VWA3B: variants seen among roughly 807,000 people sequenced by gnomAD.
VWA3B encodes the protein von Willebrand factor A domain containing 3B.
In VWA3B, 138 loss-of-function variants were observed where a neutral mutation model predicts 158.3. That is an observed-to-expected ratio of 0.87 (90% confidence interval 0.76 to 1.00). The LOEUF is 1.00. Ranked by LOEUF, VWA3B falls within the 50% of genes least tolerant of loss-of-function variation. The pLI is 0.00. For synonymous variants in VWA3B, 596 were observed against 587.3 expected (o/e 1.01, Z -0.21); for missense variants, 1,555 against 1,565.1 (o/e 0.99, Z 0.11).
At chr2:98,245,867 A>AT (rs1043712223) in intron 19 of VWA3B, among the ~76,000 whole-genome samples, 7 of 152,040 alleles carry the variant, frequency 4.6e-5, no homozygotes, top group Admixed American at 3.9e-4. Flanking sequence ...AGATGATTTT[A>AT]TTTTTTTAAA....
intron 21 of VWA3B, among the ~76,000 whole-genome samples, chr2:98,267,986 C>T (rs970594463): frequency 6.6e-6 from 1 of 151,994 alleles, no homozygotes; most frequent in African/African-American, 2.4e-5. Context: ...CAAGACTAAA[C>T]CAGGAAGAAA....
At chr2:98,194,109 C>G (rs563643476) in intron 11 of VWA3B, among the ~76,000 whole-genome samples, 259 of 152,132 alleles carry the variant, frequency 1.7e-3, no homozygotes, top group Non-Finnish European at 3.0e-3. Context: ...TAAACTTTTA[C>G]ATATACGTGA....
intron 19 of VWA3B, among the ~76,000 whole-genome samples, chr2:98,248,483 T>C (rs1385910625): frequency 6.6e-6 from 1 of 152,178 alleles, no homozygotes; most frequent in African/African-American, 2.4e-5. Flanking sequence ...CATGGTGATG[T>C]TGTAGATATC....
chr2:98,235,043 A>G (rs1303857956), intron 17 of VWA3B, among the ~76,000 whole-genome samples: 1 of 151,970 alleles, frequency 6.6e-6, no homozygotes, highest in East Asian at 1.9e-4. Context: ...TGATTTTGAA[A>G]CTGTCATATT....
At chr2:98,115,144 CA>C (rs1288932438) in intron 2 of VWA3B, among the ~76,000 whole-genome samples, 2 of 149,548 alleles carry the variant, frequency 1.3e-5, no homozygotes, top group African/African-American at 4.9e-5. Flanking sequence ...TACTCTGGAC[CA>C]AAGTACAAGG....
intron 21 of VWA3B, among the ~76,000 whole-genome samples, chr2:98,268,461 C>A (rs1457526361): frequency 1.3e-5 from 2 of 152,028 alleles, no homozygotes; most frequent in Admixed American, 1.3e-4. Flanking sequence ...CTGTTGAACC[C>A]CTCTAGTGAA....
chr2:98,216,864 G>T, intron 13 of VWA3B: 2 of 1,123,358 alleles, frequency 1.8e-6, no homozygotes, highest in Non-Finnish European at 2.4e-6. Flanking sequence ...AGGCCATTCA[G>T]ATGGGCAGTG....
At chr2:98,234,559 C>CT in intron 16 of VWA3B, 89 bp from the exon 17 acceptor site, 4 of 1,566,732 alleles carry the variant, frequency 2.6e-6, no homozygotes, top group Non-Finnish European at 3.5e-6. Flanking sequence ...TGCATTCTTA[C>CT]TTTAAGGAGC....
At chr2:98,122,486 C>T (rs1025977567) in intron 5 of VWA3B, among the ~76,000 whole-genome samples, 4 of 152,184 alleles carry the variant, frequency 2.6e-5, no homozygotes, top group African/African-American at 9.7e-5. Context: ...CCTTCCAAGG[C>T]CAAAAGAACA....
chr2:98,143,437 C>T (rs1364557447), intron 7 of VWA3B, among the ~76,000 whole-genome samples: 1 of 152,216 alleles, frequency 6.6e-6, no homozygotes, highest in Non-Finnish European at 1.5e-5. Context: ...ATGTGGTTCA[C>T]ATCGTATGTC....
chr2:98,287,534 A>G (rs1689236520), intron 22 of VWA3B, among the ~76,000 whole-genome samples: 2 of 152,170 alleles, frequency 1.3e-5, no homozygotes, highest in South Asian at 2.1e-4. Context: ...GGAGAGATGA[A>G]TGGGGATTGG....
intron 17 of VWA3B, among the ~76,000 whole-genome samples, chr2:98,235,040 G>A (rs1685586051): frequency 6.6e-6 from 1 of 152,038 alleles, no homozygotes; most frequent in South Asian, 2.1e-4. Context: ...GTTTGATTTT[G>A]AAACTGTCAT....
chr2:98,236,373 C>T lies in VWA3B; in HGVS notation c.2429-17C>T. 1 of 1,613,994 alleles carries T rather than the reference C, an allele frequency of 6.2e-7. No individual in the cohort carries two copies. On this transcript the variant is annotated splice_polypyrimidine_tract_variant and intron_variant, in intron 17 of 27. Coordinates refer to ENST00000477737, the MANE Select transcript of VWA3B (RefSeq NM_144992.5). ...ATATGTGAGGAAAATATACAACTGC[C>T]ACTTCCCCTTCCACAGAAATGAGCA...
intron 25 of VWA3B, 73 bp from the exon 26 acceptor site, chr2:98,303,629 C>T: frequency 7.1e-7 from 1 of 1,403,122 alleles, no homozygotes; most frequent in Non-Finnish European, 1.0e-6. Context: ...ATGGGTTGAG[C>T]TAGAATAAAA....
intron 1 of VWA3B, among the ~76,000 whole-genome samples, chr2:98,089,116 T>C (rs1573722244): frequency 6.6e-6 from 1 of 152,102 alleles, no homozygotes; most frequent in South Asian, 2.1e-4. Context: ...TTTCCTGATA[T>C]TAGCCTTATT....
At chr2:98,215,887 A>ATT (rs59756697) in intron 13 of VWA3B, among the ~76,000 whole-genome samples, 19 of 151,146 alleles carry the variant, frequency 1.3e-4, no homozygotes, top group Non-Finnish European at 2.4e-4. Flanking sequence ...CACGTGGTCT[A>ATT]TTTTTTTTTC....
chr2:98,146,984 T>C (rs1048905842), intron 7 of VWA3B, among the ~76,000 whole-genome samples: 3 of 152,222 alleles, frequency 2.0e-5, no homozygotes, highest in African/African-American at 7.2e-5. Context: ...GCATACATTA[T>C]GTTGCCACTC....
chr2:98,309,949 G>C (rs72819905), intron 26 of VWA3B, among the ~76,000 whole-genome samples: 16,417 of 152,218 alleles, frequency 0.11, 1,178 homozygotes, highest in Non-Finnish European at 0.16. Context: ...AGAAGGACAC[G>C]TGCCGTTGCT....
chr2:98,205,938 C>A (rs896932115), intron 12 of VWA3B, among the ~76,000 whole-genome samples: 1 of 152,148 alleles, frequency 6.6e-6, no homozygotes, highest in Non-Finnish European at 1.5e-5. Flanking sequence ...TGTTCTGTGA[C>A]TCAAGATATG....
Sources: allele counts gnomAD v4.1 joint callset (sites outside exome capture counted in the v4.1 genomes callset), GRCh38; gene constraint gnomAD v4.1.1; transcripts MANE v1.5; gene names NCBI Gene and HGNC (gene_info 2026-07-23, HGNC 2026-07-21).